Variants in CACNA2D4 observed in about 807,000 individuals in gnomAD.
CACNA2D4 encodes the protein voltage-dependent calcium channel subunit alpha-2/delta-4.
A neutral mutation model predicts 163.8 loss-of-function variants in CACNA2D4; 157 were observed. The ratio of observed to expected loss-of-function variants is 0.96; its 90% CI spans 0.84 to 1.09. The LOEUF is 1.09. Among genes scored for constraint, CACNA2D4 ranks in the 50% least tolerant of loss-of-function variants. The probability of loss-of-function intolerance (pLI) is 0.00; values close to 1 mark genes in which losing one functional copy is unlikely to be tolerated. For synonymous variants in CACNA2D4, 598 were observed against 586.9 expected (o/e 1.02, Z -0.27); for missense variants, 1,410 against 1,479.9 (o/e 0.95, Z 0.78).
chr12:1,911,002 T>C (rs1866800048), intron 3 of CACNA2D4, among the ~76,000 whole-genome samples: 1 of 151,610 alleles, frequency 6.6e-6, no homozygotes, highest in African/African-American at 2.4e-5. Context: ...TTATGTCACC[T>C]GTATTTTACC....
In CACNA2D4 at chr12:1,812,892, C is replaced by T. The variant is rs573050792; in HGVS notation, c.2552-1169G>A. On this transcript the variant is annotated intron_variant, in intron 26 of 37. Coordinates refer to ENST00000382722, the MANE Select transcript of CACNA2D4 (RefSeq NM_172364.5). ...AACGGATGTGGCTTCTTAACCATTA[C>T]GCTGTGTCCGTCACAGTCATTCTCA... 2.0e-4 allele frequency among the ~76,000 whole-genome samples: 31 copies of T among 152,338 alleles called. 1 individual carries two copies. In the South Asian group the frequency reaches 6.0e-3, roughly 29 times the overall value.
chr12:1,852,847 C>T (rs1049253221), intron 23 of CACNA2D4, among the ~76,000 whole-genome samples: 11 of 152,102 alleles, frequency 7.2e-5, no homozygotes, highest in African/African-American at 1.7e-4. Flanking sequence ...CTGCCACTTT[C>T]GAGGCGTATG....
rs1865867060 is a variant in CACNA2D4, at chr12:1,875,646, A to G, written c.1720-309T>C. On this transcript the variant is annotated intron_variant, in intron 16 of 37. Coordinates refer to ENST00000382722, the MANE Select transcript of CACNA2D4 (RefSeq NM_172364.5). The surrounding 1 kb of genome is among the most constrained non-coding windows in gnomAD (Gnocchi z 4.0). The stretch of plus-strand genomic sequence containing the variant: ...ATTGTTAGAAAGTTCCTCCTCACAC[A>G]AAGCTGAAATCCATCTCCCTGTTAC... Among the ~76,000 whole-genome samples the G allele has an allele frequency of 6.6e-6, 1 of 152,094 alleles. No individual in the cohort carries two copies. The highest frequency in any genetic ancestry group is 1.5e-5 in the Non-Finnish European group (1 of 68,000).
chr12:1,915,350 C>G, intron 1 of CACNA2D4: 1 of 663,366 alleles, frequency 1.5e-6, no homozygotes, highest in Non-Finnish European at 2.7e-6. Context: ...CAGGACTGAG[C>G]TTGACCCCAA....
At chr12:1,876,131 A>G (rs925635477) in intron 16 of CACNA2D4, among the ~76,000 whole-genome samples, 2 of 152,140 alleles carry the variant, frequency 1.3e-5, no homozygotes, top group African/African-American at 4.8e-5. Flanking sequence ...CATCCCTAAT[A>G]TATTTCATCT....
Position 1,843,148 on chromosome 12 carries a change from A to G in CACNA2D4, c.2470+1254T>C, listed in dbSNP as rs1224265182. Among the ~76,000 whole-genome samples, 1 of 152,188 alleles carries G rather than the reference A, an allele frequency of 6.6e-6. No homozygotes were observed. Among genetic ancestry groups the G allele is most frequent in the Non-Finnish European group, 1.5e-5 (1 of 68,024 alleles). ...TTTGTGAAGCATAGTAGTTATTTGC[A>G]CGTGTGTGGAGGGAACAGCACAGGT... On this transcript the variant is annotated intron_variant, in intron 25 of 37. Transcript: ENST00000382722. The surrounding 1 kb of genome is among the most constrained non-coding windows in gnomAD (Gnocchi z 4.6).
Position 1,815,035 on chromosome 12 carries a change from G to A in CACNA2D4, c.2552-3312C>T, listed in dbSNP as rs149950957. Among the ~76,000 whole-genome samples the A allele has an allele frequency of 6.9e-3, 1,050 of 152,236 alleles. 13 individuals are homozygous for A. Among genetic ancestry groups the A allele is most frequent in the African/African-American group, 0.024 (981 of 41,524 alleles). On this transcript the variant is annotated intron_variant, in intron 26 of 37. Coordinates refer to ENST00000382722, the MANE Select transcript of CACNA2D4 (RefSeq NM_172364.5). Reference sequence around the variant, plus strand: ...CTCCCTAGTAGCTAGGATTACAGGCGCGTGTGATACCATGCATGGCTAATT... The same window carrying A: ...CTCCCTAGTAGCTAGGATTACAGGCACGTGTGATACCATGCATGGCTAATT...
At chr12:1,900,878 C>T (rs1431013518) in intron 6 of CACNA2D4, among the ~76,000 whole-genome samples, 2 of 152,162 alleles carry the variant, frequency 1.3e-5, no homozygotes, top group Admixed American at 1.3e-4. Context: ...CAGAACATTT[C>T]CCTCAATGGC....
At position 1,912,920 on chromosome 12, in the gene CACNA2D4, C is replaced by T; in HGVS notation, c.426+103G>A. The T allele has an allele frequency of 4.3e-6, 3 of 697,054 alleles. No individual in the cohort carries two copies. The East Asian group carries it at 8.1e-5, about 19-fold the overall frequency. 43.2% of individuals were successfully genotyped at this position (697,054 alleles called of 1,614,324 possible). A position where few individuals can be genotyped will look rare whatever the true frequency, so the allele number is the denominator to read the frequency against. ...GGAATCTTGTAAGATAGGAGAGGGT[C>T]ACGAGGGGGGAGGATGCAGGGCCAT... On this transcript the variant is annotated intron_variant, in intron 3 of 37. Coordinates refer to ENST00000382722, the MANE Select transcript of CACNA2D4 (RefSeq NM_172364.5).
At chr12:1,863,155 A>T (rs1332388036) in intron 18 of CACNA2D4, among the ~76,000 whole-genome samples, 5 of 152,174 alleles carry the variant, frequency 3.3e-5, no homozygotes, top group Admixed American at 1.3e-4. Context: ...ACATTTATTC[A>T]GTTGTTCTAG....
chr12:1,805,993 C>G (rs751492066), intron 29 of CACNA2D4, among the ~76,000 whole-genome samples: 55 of 152,288 alleles, frequency 3.6e-4, no homozygotes, highest in South Asian at 8.3e-4. Context: ...GGATGCCCTG[C>G]TCTGAGGGCC....
At chr12:1,804,578 GTCT>G (rs1191113816) in intron 29 of CACNA2D4, among the ~76,000 whole-genome samples, 1 of 152,178 alleles carries the variant, frequency 6.6e-6, no homozygotes, top group African/African-American at 2.4e-5. Context: ...CATTCTCCCC[GTCT>G]TCTTTAGTTA....
At chr12:1,903,162 A>G (rs115465815) in intron 6 of CACNA2D4, among the ~76,000 whole-genome samples, 1,983 of 152,234 alleles carry the variant, frequency 0.013, 38 homozygotes, top group African/African-American at 0.046. Flanking sequence ...AAATATTCAT[A>G]TGAAAAAGAA....
At chr12:1,900,911 G>A (rs1866522140) in intron 6 of CACNA2D4, among the ~76,000 whole-genome samples, 1 of 152,082 alleles carries the variant, frequency 6.6e-6, no homozygotes. Flanking sequence ...ATTATTTTTA[G>A]CACATGGATC....
intron 26 of CACNA2D4, chr12:1,835,692 T>C (rs1864829297): frequency 6.5e-6 from 1 of 152,702 alleles, no homozygotes. Context: ...CTGCTGGGCT[T>C]TCCCGGGATA....
At chr12:1,860,063 C>T in intron 19 of CACNA2D4, 82 bp downstream of exon 19, 1 of 1,160,418 alleles carries the variant, frequency 8.6e-7, no homozygotes, top group Non-Finnish European at 1.3e-6. Flanking sequence ...TTTGCTATTA[C>T]CACAAAATTG....
Position 1,831,132 on chromosome 12 carries a change from G to A in CACNA2D4, c.2551+9607C>T, listed in dbSNP as rs145308565. 2.7e-5 allele frequency: 44 copies of A among 1,613,776 alleles called. No individual in the cohort carries two copies. Among genetic ancestry groups the A allele is most frequent in the African/African-American group, 1.5e-4 (11 of 74,940 alleles). ...GAGTGCCCTGCCAAGCTGGGCTTTC[G>A]CCAACCTCTCCAGCCTGCAGCGGTT... On this transcript the variant is annotated intron_variant, in intron 26 of 37. Transcript: ENST00000382722.
intron 27 of CACNA2D4, 98 bp from the exon 28 acceptor site, chr12:1,810,685 G>A: frequency 8.7e-7 from 1 of 1,149,820 alleles, no homozygotes; most frequent in Non-Finnish European, 1.3e-6. Flanking sequence ...TCTGCAGTGT[G>A]TGTGCATGTG....
At chr12:1,836,630 G>C (rs533330894) in intron 26 of CACNA2D4, 3 of 152,618 alleles carry the variant, frequency 2.0e-5, no homozygotes, top group Non-Finnish European at 4.4e-5. Flanking sequence ...TAAAGGGACT[G>C]GGGGGAGGGG....
Sources: allele counts gnomAD v4.1 joint callset (sites outside exome capture counted in the v4.1 genomes callset), GRCh38; gene constraint gnomAD v4.1.1; non-coding constraint Gnocchi (gnomAD v3.1); transcripts MANE v1.5; gene names NCBI Gene and HGNC (gene_info 2026-07-23, HGNC 2026-07-21).